SLC8B1: variants seen among roughly 807,000 people sequenced by gnomAD.
The protein encoded by SLC8B1 is solute carrier family 8 member B1.
Under a neutral mutation model 63.4 loss-of-function variants are expected in SLC8B1, and 52 were observed. That is an observed-to-expected ratio of 0.82 (90% confidence interval 0.66 to 1.03). The LOEUF is 1.03. Ranked by LOEUF, SLC8B1 falls within the 50% of genes least tolerant of loss-of-function variation. The pLI is 0.00. For synonymous variants in SLC8B1, 336 were observed against 323.9 expected (o/e 1.04, Z -0.40); for missense variants, 657 against 741.7 (o/e 0.89, Z 1.33).
Position 113,321,295 on chromosome 12 carries a change from G to A in SLC8B1, c.210C>T (p.Thr70=). The change falls in exon 3 of 16, where the codon ACC becomes ACT. Residue 70 remains threonine, a synonymous_variant. Transcript: ENST00000680972. ...CCCCATCACTGTGGCAGTCAGGGTT[G>A]GTCCGGATGAAGTCACAGCGGTCAG... ...NVSDRCDFIR[T]NPDCHSDGGY... The A allele has an allele frequency of 6.2e-7, 1 of 1,614,146 alleles. No homozygotes were observed. Among genetic ancestry groups the A allele is most frequent in the Non-Finnish European group, 8.5e-7 (1 of 1,180,026 alleles).
rs1181389217 is a variant in SLC8B1 at position 113,299,922 on chromosome 12, C to T, written c.1610G>A (p.Ser537Asn). The change falls in exon 16 of 16, where the codon AGC becomes AAC. Residue 537 changes from serine to asparagine, a missense_variant. Physicochemically the swap from Ser to Asn is conservative, Grantham distance 46 (BLOSUM62 1). Transcript: ENST00000680972. ...GACTGAGACCAGGGAGAAGACGAGG[C>T]TGAGCCCCAGGGCGCCTGCCAGGAC... The part of the protein sequence containing the change: ...VWVLAGALGL[S>N]LVFSLVSVPL... 2 of 1,614,054 alleles carry T rather than the reference C, an allele frequency of 1.2e-6. No individual in the cohort carries two copies. Among genetic ancestry groups the T allele is most frequent in the Admixed American group, 1.7e-5 (1 of 60,032 alleles).
chr12:113,303,110 G>A (rs368658863), intron 15 of SLC8B1, among the ~76,000 whole-genome samples: 11 of 121,748 alleles, frequency 9.0e-5, no homozygotes, highest in African/African-American at 3.1e-4. Flanking sequence ...GCACAAAGGC[G>A]GTGGACACAC....
rs191598035 is a variant in SLC8B1 at position 113,312,957 on chromosome 12, G to T, written c.1135+2378C>A. Among the ~76,000 whole-genome samples the T allele has an allele frequency of 9.6e-4, 146 of 152,038 alleles. 1 individual carries two copies. Among genetic ancestry groups the T allele is most frequent in the African/African-American group, 3.4e-3 (141 of 41,460 alleles). ...GTCTCACTCTGTCGCCCAGGCTGGA[G>T]TGCAGGGGTGCAATCTCGGCTCACT... On this transcript the variant is annotated intron_variant, in intron 11 of 15. Transcript: ENST00000680972.
At chr12:113,317,676 G>A (rs1593250390) in intron 8 of SLC8B1, among the ~76,000 whole-genome samples, 1 of 152,228 alleles carries the variant, frequency 6.6e-6, no homozygotes, top group East Asian at 1.9e-4. Flanking sequence ...CCCTCCTCGA[G>A]TGAGGAGTTA....
chr12:113,310,786 C>G (rs61932120), intron 11 of SLC8B1, among the ~76,000 whole-genome samples: 7,515 of 152,212 alleles, frequency 0.049, 261 homozygotes, highest in Middle Eastern at 0.065. Flanking sequence ...CAAATAAGTC[C>G]ACTCTCCATT....
intron 15 of SLC8B1, among the ~76,000 whole-genome samples, chr12:113,302,916 G>T (rs752750086): frequency 2.0e-5 from 3 of 152,088 alleles, no homozygotes; most frequent in Non-Finnish European, 4.4e-5. Context: ...TTCAACCAAC[G>T]GTACACCATG....
At position 113,304,387 on chromosome 12, in the gene SLC8B1, T is replaced by G; in HGVS notation, c.1493-2A>C. 6.2e-7 allele frequency: 1 copy of G among 1,613,830 alleles called. No individual in the cohort carries two copies. Among genetic ancestry groups the G allele is most frequent in the Non-Finnish European group, 8.5e-7 (1 of 1,179,860 alleles). On this transcript the variant is annotated splice_acceptor_variant, in intron 14 of 15. Coordinates refer to ENST00000680972, the MANE Select transcript of SLC8B1 (RefSeq NM_001358345.2). LOFTEE classifies it high-confidence loss of function. ...CCAGCCCCACACCCACGAGGATGTCTGCAGCCCAGCTCAGGAAGCTTTGCT... is the reference window on the plus strand; with the variant it reads ...CCAGCCCCACACCCACGAGGATGTCGGCAGCCCAGCTCAGGAAGCTTTGCT...
At position 113,320,129 on chromosome 12, in the gene SLC8B1, C is replaced by T; in HGVS notation, c.694+202G>A. ...ACACTTTTGAATACTCCCTCCCCAG[C>T]CCCCAGCTCTGCCAGGCCTCTTTGG... On this transcript the variant is annotated intron_variant, in intron 7 of 15. Coordinates refer to ENST00000680972, the MANE Select transcript of SLC8B1 (RefSeq NM_001358345.2). This position sits in a 1 kb window ranked among gnomAD's most constrained non-coding sequence, Gnocchi z 5.3. The T allele has an allele frequency of 1.6e-6, 1 of 620,818 alleles. No homozygotes were observed. The highest frequency in any genetic ancestry group is 2.7e-6 in the Non-Finnish European group (1 of 364,408). 38.5% of individuals were successfully genotyped at this position (620,818 alleles called of 1,614,324 possible).
rs960367278 is a variant in SLC8B1 at position 113,320,710 on chromosome 12, G to A, written c.421-24C>T. ...CCATGTGGGGAGCATGTCAAGGCGGGCCAGGATCGCAGCTGCAGCCCACCC... is the reference window on the plus strand; with the variant it reads ...CCATGTGGGGAGCATGTCAAGGCGGACCAGGATCGCAGCTGCAGCCCACCC... On this transcript the variant is annotated intron_variant, in intron 5 of 15. Coordinates refer to ENST00000680972, the MANE Select transcript of SLC8B1 (RefSeq NM_001358345.2). The surrounding 1 kb of genome is among the most constrained non-coding windows in gnomAD (Gnocchi z 5.3). 6 of 1,607,318 alleles carry A rather than the reference G, an allele frequency of 3.7e-6. No individual in the cohort carries two copies. The East Asian group carries it at 6.7e-5, about 18-fold the overall frequency.
chr12:113,309,113 T>C (rs113568414), intron 12 of SLC8B1, among the ~76,000 whole-genome samples: 10,026 of 152,106 alleles, frequency 0.066, 353 homozygotes, highest in Middle Eastern at 0.078. Context: ...TCTCGGCCTC[T>C]CAAAGTGTTG....
Position 113,320,470 on chromosome 12 carries a change from C to A in SLC8B1, c.555G>T (p.Val185=). ...FGAGVLVTTV[V]AGGITILHPF... is the part of the protein sequence containing the mutation. ...GGTGTAGGATGGTAATGCCTCCGGC[C>A]ACCACTGTGGTAACCAGCACGCCAG... is the stretch of plus-strand genomic sequence containing the variant. The change falls in exon 7 of 16, where the codon GTG becomes GTT. Residue 185 remains valine (V), a synonymous_variant. Coordinates refer to ENST00000680972, the MANE Select transcript of SLC8B1 (RefSeq NM_001358345.2). This position sits in a 1 kb window ranked among gnomAD's most constrained non-coding sequence, Gnocchi z 5.3. 6.2e-7 allele frequency: 1 copy of A among 1,614,142 alleles called. No individual in the cohort carries two copies. The highest frequency in any genetic ancestry group is 8.5e-7 in the Non-Finnish European group (1 of 1,180,014).
At chr12:113,301,187 G>A (rs1956582016) in intron 15 of SLC8B1, among the ~76,000 whole-genome samples, 1 of 152,080 alleles carries the variant, frequency 6.6e-6, no homozygotes, top group East Asian at 1.9e-4. Context: ...TGGACAGACA[G>A]GCATGGACAA....
rs2136825474 is a variant in SLC8B1 at position 113,305,679 on chromosome 12, C to T, written c.1492+816G>A. On this transcript the variant is annotated intron_variant, in intron 14 of 15. Coordinates refer to ENST00000680972, the MANE Select transcript of SLC8B1 (RefSeq NM_001358345.2). This position sits in a 1 kb window ranked among gnomAD's most constrained non-coding sequence, Gnocchi z 4.3. ...ATTGGAACAGAGCCATGGCCATTCA[C>T]TTATGCACTGTCTGTGCCTGTTTCT... is the stretch of plus-strand genomic sequence containing the variant. Among the ~76,000 whole-genome samples the T allele has an allele frequency of 6.6e-6, 1 of 152,342 alleles. No individual in the cohort carries two copies. The highest frequency in any genetic ancestry group is 2.1e-4 in the South Asian group (1 of 4,826).
chr12:113,320,849 C>T lies in SLC8B1; in HGVS notation c.420+1G>A. The T allele has an allele frequency of 1.2e-6, 2 of 1,602,512 alleles. No homozygotes were observed. Among genetic ancestry groups the T allele is most frequent in the South Asian group, 1.1e-5 (1 of 88,602 alleles). On this transcript the variant is annotated splice_donor_variant, in intron 5 of 15. Coordinates refer to ENST00000680972, the MANE Select transcript of SLC8B1 (RefSeq NM_001358345.2). LOFTEE classifies it high-confidence loss of function. The surrounding 1 kb of genome is among the most constrained non-coding windows in gnomAD (Gnocchi z 5.3). ...GTGCAGGACACTGGACAAAAGGATACTGCCACGTTGTGGGAGAGCTTCAGT... is the reference window on the plus strand; with the variant it reads ...GTGCAGGACACTGGACAAAAGGATATTGCCACGTTGTGGGAGAGCTTCAGT...
rs749915819 is a variant in SLC8B1 at position 113,320,892 on chromosome 12, C to CA, written c.377dup (p.Leu126PhefsTer28). The stretch of plus-strand genomic sequence containing the variant: ...GCTTCAGTGTGGTAGAAATGGCCGA[C>CA]AAGTTGGGGCAGAAACTACGGAGAA... On this transcript the variant is annotated frameshift_variant, in exon 5 of 16. Transcript: ENST00000680972. LOFTEE classifies it high-confidence loss of function. This position sits in a 1 kb window ranked among gnomAD's most constrained non-coding sequence, Gnocchi z 5.3. 2 of 1,606,390 alleles carry CA rather than the reference C, an allele frequency of 1.2e-6. No homozygotes were observed. The highest frequency in any genetic ancestry group is 1.7e-6 in the Non-Finnish European group (2 of 1,177,352).
At position 113,299,951 on chromosome 12, in the gene SLC8B1, C is replaced by T. The variant is rs957837466; in HGVS notation, c.1581G>A (p.Val527=). The T allele has an allele frequency of 4.3e-6, 7 of 1,613,632 alleles. No individual in the cohort carries two copies. The East Asian group carries it at 1.3e-4, about 31-fold the overall frequency. ...GCCCCAGGGCGCCTGCCAGGACCCA[C>T]ACCAGCAGTCCGTCTGGCTCCAGCT... The part of the protein sequence containing the change: ...EVKLEPDGLL[V]WVLAGALGLS... The change falls in exon 16 of 16, where the codon GTG becomes GTA. Residue 527 remains valine, a synonymous_variant. Coordinates refer to ENST00000680972, the MANE Select transcript of SLC8B1 (RefSeq NM_001358345.2).
Position 113,320,795 on chromosome 12 carries a change from A to G in SLC8B1, c.420+55T>C. ...GGGGATAGACATGACCCTATCTCCCAGCCTCCCCACAACTGCCCTCCCTCC... is the reference window on the plus strand; with the variant it reads ...GGGGATAGACATGACCCTATCTCCCGGCCTCCCCACAACTGCCCTCCCTCC... On this transcript the variant is annotated intron_variant, in intron 5 of 15. Transcript: ENST00000680972. This position sits in a 1 kb window ranked among gnomAD's most constrained non-coding sequence, Gnocchi z 5.3. 3.8e-6 allele frequency: 6 copies of G among 1,580,626 alleles called. No homozygotes were observed. Among genetic ancestry groups the G allele is most frequent in the Non-Finnish European group, 5.2e-6 (6 of 1,163,696 alleles).
At chr12:113,321,004 G>T in intron 4 of SLC8B1, 52 bp downstream of exon 4, 1 of 1,596,778 alleles carries the variant, frequency 6.3e-7, no homozygotes, top group East Asian at 2.3e-5. Context: ...TCAGCCTCCT[G>T]GGACCCCTCC....
At position 113,320,743 on chromosome 12, in the gene SLC8B1, C is replaced by G; in HGVS notation, c.421-57G>C. The G allele has an allele frequency of 2.5e-6, 4 of 1,585,846 alleles. No individual in the cohort carries two copies. The highest frequency in any genetic ancestry group is 3.4e-6 in the Non-Finnish European group (4 of 1,165,794). ...CGCAGCTGCAGCCCACCCAGGCCTT[C>G]GACCCTATCCCCCAGCTTCCCCACA... On this transcript the variant is annotated intron_variant, in intron 5 of 15. Coordinates refer to ENST00000680972, the MANE Select transcript of SLC8B1 (RefSeq NM_001358345.2). This position sits in a 1 kb window ranked among gnomAD's most constrained non-coding sequence, Gnocchi z 5.3.
Sources: allele counts gnomAD v4.1 joint callset (sites outside exome capture counted in the v4.1 genomes callset), GRCh38; gene constraint gnomAD v4.1.1; non-coding constraint Gnocchi (gnomAD v3.1); transcripts MANE v1.5; gene names NCBI Gene and HGNC (gene_info 2026-07-23, HGNC 2026-07-21).